The following NLGN1 variants were observed in gnomAD, a reference collection of about 807,000 sequenced individuals.
NLGN1 encodes neuroligin-1.
A neutral mutation model predicts 65.5 loss-of-function variants in NLGN1; 12 were observed. The observed-to-expected ratio is 0.18, with a 90% CI of 0.12 to 0.30. The LOEUF (loss-of-function observed/expected upper bound fraction) is 0.30. Ranked by LOEUF, NLGN1 falls within the 10% of genes least tolerant of loss-of-function variation. NLGN1 has a pLI of 1.00. For missense variants in NLGN1, 750 were observed against 1,007.1 expected (o/e 0.74, Z 3.46); for synonymous variants, 350 against 359.5 (o/e 0.97, Z 0.30).
chr3:174,258,920 T>C (rs1746312438), intron 4 of NLGN1, among the ~76,000 whole-genome samples: 1 of 152,096 alleles, frequency 6.6e-6, no homozygotes, highest in African/African-American at 2.4e-5. Flanking sequence ...ATGTTGAAGA[T>C]ATGGTTGAAG....
At chr3:174,253,042 A>G (rs1371434016) in intron 4 of NLGN1, among the ~76,000 whole-genome samples, 4 of 152,218 alleles carry the variant, frequency 2.6e-5, no homozygotes, top group African/African-American at 9.6e-5. Context: ...ATTCTCTAAG[A>G]GAACGAGGGC....
rs550400995 is a variant in NLGN1, at chr3:173,801,619, T to C, written c.494-6061T>C. ...AGGTGGAGTATTGAGAACTTAAAAATTATATTTGGTGTTAATATTTTTGAA... is the reference window on the plus strand; with the variant it reads ...AGGTGGAGTATTGAGAACTTAAAAACTATATTTGGTGTTAATATTTTTGAA... On this transcript the variant is annotated intron_variant, in intron 3 of 6. Coordinates refer to ENST00000457714, the Ensembl canonical transcript of NLGN1. Among the ~76,000 whole-genome samples, 450 of 152,098 alleles carry C rather than the reference T, an allele frequency of 3.0e-3. 1 individual carries two copies. The highest frequency in any genetic ancestry group is 5.3e-3 in the Non-Finnish European group (363 of 67,874).
intron 2 of NLGN1, among the ~76,000 whole-genome samples, chr3:173,501,635 G>T (rs552838923): frequency 6.7e-6 from 1 of 150,356 alleles, no homozygotes; most frequent in Admixed American, 6.7e-5. Context: ...ATGTGAAGTG[G>T]CAGATAATTA....
At chr3:173,727,257 T>C (rs1304799302) in intron 3 of NLGN1, among the ~76,000 whole-genome samples, 1 of 152,098 alleles carries the variant, frequency 6.6e-6, no homozygotes, top group East Asian at 1.9e-4. Flanking sequence ...AATTAGTAAG[T>C]GGCAAGCTTA....
chr3:173,518,303 A>G (rs1413950841), intron 2 of NLGN1, among the ~76,000 whole-genome samples: 2 of 151,756 alleles, frequency 1.3e-5, no homozygotes, highest in South Asian at 4.2e-4. Context: ...TCTTTTTGGT[A>G]AACAGTTCAC....
chr3:173,554,001 A>G (rs1281354637), intron 2 of NLGN1, among the ~76,000 whole-genome samples: 4 of 152,292 alleles, frequency 2.6e-5, no homozygotes, highest in Admixed American at 2.0e-4. Flanking sequence ...GCTTATGAGA[A>G]CTGCAACTTG....
At chr3:173,842,664 C>T (rs1182332309) in intron 4 of NLGN1, among the ~76,000 whole-genome samples, 1 of 152,196 alleles carries the variant, frequency 6.6e-6, no homozygotes, top group African/African-American at 2.4e-5. Context: ...GTCTCACATC[C>T]AGGTCACGCT....
chr3:174,063,274 G>A (rs1444889666), intron 4 of NLGN1, among the ~76,000 whole-genome samples: 1 of 151,994 alleles, frequency 6.6e-6, no homozygotes, highest in African/African-American at 2.4e-5. Context: ...TCAAAATTAA[G>A]GCTTAAATAA....
chr3:173,699,990 A>AC (rs2149873489), intron 3 of NLGN1, among the ~76,000 whole-genome samples: 1 of 152,326 alleles, frequency 6.6e-6, no homozygotes, highest in South Asian at 2.1e-4. Flanking sequence ...GAGCTAATTC[A>AC]CCTACCAAAC....
intron 3 of NLGN1, among the ~76,000 whole-genome samples, chr3:173,696,861 G>A (rs905841923): frequency 2.0e-5 from 3 of 152,108 alleles, no homozygotes; most frequent in Non-Finnish European, 4.4e-5. Context: ...TCACCTACAA[G>A]GTGTTCTGCA....
At chr3:173,835,418 T>A (rs960506805) in intron 4 of NLGN1, among the ~76,000 whole-genome samples, 1 of 152,064 alleles carries the variant, frequency 6.6e-6, no homozygotes. Context: ...TCATTGAAAT[T>A]TGCAACAGAA....
intron 4 of NLGN1, among the ~76,000 whole-genome samples, chr3:174,231,289 G>A (rs1303644282): frequency 2.0e-5 from 3 of 152,140 alleles, no homozygotes; most frequent in Non-Finnish European, 4.4e-5. Flanking sequence ...CCGAGACTCC[G>A]GGTGTGCCTG....
intron 3 of NLGN1, among the ~76,000 whole-genome samples, chr3:173,744,663 C>T (rs1243768644): frequency 6.6e-6 from 1 of 152,056 alleles, no homozygotes; most frequent in African/African-American, 2.4e-5. Context: ...CACTAAGCTT[C>T]CTTTAATTGT....
At chr3:174,031,374 C>T (rs1183656205) in intron 4 of NLGN1, among the ~76,000 whole-genome samples, 1 of 152,202 alleles carries the variant, frequency 6.6e-6, no homozygotes, top group Non-Finnish European at 1.5e-5. Context: ...TGGCAAGCCT[C>T]ATCCACTGAG....
chr3:174,171,242 G>C (rs1178784378), intron 4 of NLGN1, among the ~76,000 whole-genome samples: 1 of 151,976 alleles, frequency 6.6e-6, no homozygotes, highest in East Asian at 1.9e-4. Context: ...GTGTCTAATT[G>C]GTTGTTATTA....
At chr3:173,525,896 C>T (rs555894869) in intron 2 of NLGN1, among the ~76,000 whole-genome samples, 1 of 152,054 alleles carries the variant, frequency 6.6e-6, no homozygotes, top group East Asian at 1.9e-4. Flanking sequence ...TTTTCTTGTA[C>T]TTGAGTAGTT....
chr3:173,744,253 G>C (rs552792590), intron 3 of NLGN1, among the ~76,000 whole-genome samples: 56 of 152,164 alleles, frequency 3.7e-4, no homozygotes, highest in Middle Eastern at 3.4e-3. Flanking sequence ...CAGAACAATG[G>C]ATGCTACTCA....
intron 2 of NLGN1, among the ~76,000 whole-genome samples, chr3:173,574,368 C>G (rs2149342694): frequency 6.6e-6 from 1 of 151,848 alleles, no homozygotes; most frequent in Non-Finnish European, 1.5e-5. Context: ...AAGATCTTGA[C>G]TTCTGTCTTT....
intron 4 of NLGN1, among the ~76,000 whole-genome samples, chr3:174,146,071 A>G (rs1723164668): frequency 1.3e-5 from 2 of 151,440 alleles, no homozygotes; most frequent in African/African-American, 4.8e-5. Context: ...CCTTAATATA[A>G]CCTATTAATC....
Sources: allele counts gnomAD v4.1 joint callset (sites outside exome capture counted in the v4.1 genomes callset), GRCh38; gene constraint gnomAD v4.1.1; transcripts MANE v1.5; gene names NCBI Gene and HGNC (gene_info 2026-07-23, HGNC 2026-07-21).